CACNA2D4: variants seen among roughly 807,000 people sequenced by gnomAD.
The protein encoded by CACNA2D4 is voltage-dependent calcium channel subunit alpha-2/delta-4.
CACNA2D4 carries 157 observed loss-of-function variants against 163.8 expected under a neutral mutation model. The ratio of observed to expected loss-of-function variants is 0.96; its 90% CI spans 0.84 to 1.09. The LOEUF (loss-of-function observed/expected upper bound fraction) is 1.09. Among genes scored for constraint, CACNA2D4 ranks in the 50% least tolerant of loss-of-function variants. The pLI, the probability that CACNA2D4 is intolerant of heterozygous loss-of-function variation, is 0.00. For missense variants in CACNA2D4, 1,410 were observed against 1,479.9 expected (o/e 0.95, Z 0.78); for synonymous variants, 598 against 586.9 (o/e 1.02, Z -0.27).
At chr12:1,905,726 T>C (rs540774972) in intron 6 of CACNA2D4, among the ~76,000 whole-genome samples, 108 of 152,292 alleles carry the variant, frequency 7.1e-4, no homozygotes, top group African/African-American at 2.5e-3. Flanking sequence ...ACACATTCCA[T>C]ATTCATGGAC....
chr12:1,839,993 AT>A, intron 26 of CACNA2D4, among the ~76,000 whole-genome samples: 1 of 152,314 alleles, frequency 6.6e-6, no homozygotes, highest in East Asian at 1.9e-4. Context: ...ACACTCTAAA[AT>A]ATTTGTAAAG....
intron 26 of CACNA2D4, among the ~76,000 whole-genome samples, chr12:1,813,595 G>A (rs1255318593): frequency 1.3e-5 from 2 of 152,202 alleles, no homozygotes; most frequent in African/African-American, 4.8e-5. Flanking sequence ...TGTTGTTCTA[G>A]AGCTCATCTG....
chr12:1,814,420 G>A (rs1863810809), intron 26 of CACNA2D4, among the ~76,000 whole-genome samples: 1 of 152,158 alleles, frequency 6.6e-6, no homozygotes, highest in Admixed American at 6.5e-5. Flanking sequence ...CCGCCTATTG[G>A]CATGTCATCT....
intron 26 of CACNA2D4, among the ~76,000 whole-genome samples, chr12:1,840,383 A>G (rs976895585): frequency 6.9e-6 from 1 of 144,768 alleles, no homozygotes; most frequent in African/African-American, 2.6e-5. Context: ...ATGCTCTATT[A>G]ACCCGCAGGA....
chr12:1,834,274 C>A lies in CACNA2D4; in HGVS notation c.2551+6465G>T. The A allele has an allele frequency of 6.4e-7, 1 of 1,571,678 alleles. No individual in the cohort carries two copies. The highest frequency in any genetic ancestry group is 8.7e-7 in the Non-Finnish European group (1 of 1,156,040). ...TTTCTCTTCTGCATGTAGGGGGACG[C>A]TTGGACCAGCTTGCCTGCACCCTGC... is the stretch of plus-strand genomic sequence containing the variant. On this transcript the variant is annotated intron_variant, in intron 26 of 37. Coordinates refer to ENST00000382722, the MANE Select transcript of CACNA2D4 (RefSeq NM_172364.5). This position sits in a 1 kb window ranked among gnomAD's most constrained non-coding sequence, Gnocchi z 7.6.
At chr12:1,905,695 T>C (rs1866644115) in intron 6 of CACNA2D4, among the ~76,000 whole-genome samples, 2 of 152,108 alleles carry the variant, frequency 1.3e-5, no homozygotes, top group Non-Finnish European at 2.9e-5. Flanking sequence ...CTGAAAGAAA[T>C]TAAGGACAGA....
At chr12:1,817,459 T>C (rs1019051705) in intron 26 of CACNA2D4, among the ~76,000 whole-genome samples, 1 of 151,922 alleles carries the variant, frequency 6.6e-6, no homozygotes, top group Non-Finnish European at 1.5e-5. Context: ...GGAAAGGAGA[T>C]GACTCCCTCT....
In CACNA2D4 at chr12:1,799,990, G is replaced by C. The variant is rs780916685; in HGVS notation, c.2974+10C>G. 15 of 1,600,988 alleles carry C rather than the reference G, an allele frequency of 9.4e-6. No individual in the cohort carries two copies. The highest frequency in any genetic ancestry group is 1.3e-5 in the Non-Finnish European group (15 of 1,173,944). On this transcript the variant is annotated intron_variant, in intron 33 of 37. Coordinates refer to ENST00000382722, the MANE Select transcript of CACNA2D4 (RefSeq NM_172364.5). The surrounding 1 kb of genome is among the most constrained non-coding windows in gnomAD (Gnocchi z 4.7). ...CTTCAGCACATGGCCCTGCAGCTCC[G>C]TGCACTCACCCTCGGCCCCTCTGTC...
At chr12:1,898,469 A>G (rs1183807435) in intron 6 of CACNA2D4, among the ~76,000 whole-genome samples, 1 of 152,208 alleles carries the variant, frequency 6.6e-6, no homozygotes, top group Non-Finnish European at 1.5e-5. Context: ...TAAGCACATG[A>G]AAAGATGTTC....
At chr12:1,823,885 C>G (rs542921109) in intron 26 of CACNA2D4, among the ~76,000 whole-genome samples, 4 of 152,232 alleles carry the variant, frequency 2.6e-5, no homozygotes, top group Non-Finnish European at 5.9e-5. Flanking sequence ...TTTCCTACCT[C>G]TGCCTTTCCT....
At chr12:1,916,166 GTGT>G (rs1344022762) in intron 1 of CACNA2D4, among the ~76,000 whole-genome samples, 2 of 152,258 alleles carry the variant, frequency 1.3e-5, no homozygotes, top group East Asian at 3.9e-4. Flanking sequence ...TGACCTGATG[GTGT>G]TGTTACTGAA....
chr12:1,801,494 T>G, intron 30 of CACNA2D4, 80 bp downstream of exon 30: 29 of 1,198,606 alleles, frequency 2.4e-5, no homozygotes, highest in Non-Finnish European at 3.5e-5. Context: ...GTCAGGATCC[T>G]GAGATCCGCC....
chr12:1,800,923 G>T, intron 31 of CACNA2D4, 120 bp downstream of exon 31: 1 of 859,072 alleles, frequency 1.2e-6, no homozygotes, highest in Non-Finnish European at 1.9e-6. Context: ...AGATGGTCAA[G>T]GTAGGGCCCT....
rs1244182645 is a variant in CACNA2D4 at position 1,793,754 on chromosome 12, A to C, written c.3315T>G (p.Asn1105Lys). ...DSCHAFHPEE[N>K]AQDCGGASDT... ...CCGAGGCGCCGCCGCAGTCCTGGGC[A>C]TTCTCCTGCGAACGCAGAGCAGAGG... The change falls in exon 38 of 38, where the codon AAT (asparagine) becomes AAG (lysine). Residue 1105 changes from asparagine to lysine, a missense_variant. Asn to Lys is a moderately conservative substitution (Grantham distance 94). Coordinates refer to ENST00000382722, the MANE Select transcript of CACNA2D4 (RefSeq NM_172364.5). 3 of 1,612,758 alleles carry C rather than the reference A, an allele frequency of 1.9e-6. No homozygotes were observed. The highest frequency in any genetic ancestry group is 2.5e-6 in the Non-Finnish European group (3 of 1,179,752).
At chr12:1,896,187 T>A (rs1342416216) in intron 6 of CACNA2D4, among the ~76,000 whole-genome samples, 11 of 152,272 alleles carry the variant, frequency 7.2e-5, no homozygotes, top group Non-Finnish European at 1.5e-5. Flanking sequence ...ACAGAAATTT[T>A]ATGGATAAGA....
intron 18 of CACNA2D4, among the ~76,000 whole-genome samples, chr12:1,863,370 A>C (rs1865565499): frequency 6.6e-6 from 1 of 152,162 alleles, no homozygotes; most frequent in Non-Finnish European, 1.5e-5. Flanking sequence ...GAATTGTCCA[A>C]ATTTGTTCTT....
At chr12:1,831,206 G>C (rs375310736) in intron 26 of CACNA2D4, 2 of 1,613,804 alleles carry the variant, frequency 1.2e-6, no homozygotes, top group Non-Finnish European at 1.7e-6. Context: ...CCATTTTCGG[G>C]GACCTGACGA....
chr12:1,801,173 C>T, intron 30 of CACNA2D4, 55 bp from the exon 31 acceptor site: 1 of 1,485,552 alleles, frequency 6.7e-7, no homozygotes, highest in South Asian at 1.1e-5. Context: ...CCCCCTGCCC[C>T]TGCCTCAGGA....
chr12:1,868,763 C>T (rs968596589), intron 18 of CACNA2D4, among the ~76,000 whole-genome samples: 5 of 152,106 alleles, frequency 3.3e-5, no homozygotes, highest in Non-Finnish European at 7.4e-5. Flanking sequence ...ACAGGTTCCA[C>T]ATCCCTGGAT....
Sources: allele counts gnomAD v4.1 joint callset (sites outside exome capture counted in the v4.1 genomes callset), GRCh38; gene constraint gnomAD v4.1.1; non-coding constraint Gnocchi (gnomAD v3.1); transcripts MANE v1.5; gene names NCBI Gene and HGNC (gene_info 2026-07-23, HGNC 2026-07-21).